Variants in EIF4E2 observed in about 807,000 individuals in gnomAD.
The protein encoded by EIF4E2 is eukaryotic translation initiation factor 4E family member 2.
In EIF4E2, 13 loss-of-function variants were observed where a neutral mutation model predicts 34.2. The ratio of observed to expected loss-of-function variants is 0.38; its 90% CI spans 0.25 to 0.60. The LOEUF (loss-of-function observed/expected upper bound fraction) is 0.60, where lower values mean the gene tolerates loss of function less well. Ranked by LOEUF, EIF4E2 falls within the 20% of genes least tolerant of loss-of-function variation. The pLI, the probability that EIF4E2 is intolerant of heterozygous loss-of-function variation, is 0.62. For missense variants in EIF4E2, 222 were observed against 315.1 expected, an observed-to-expected ratio of 0.70 and a Z score of 2.24; for synonymous variants, 100 against 106.6, an observed-to-expected ratio of 0.94 and a Z score of 0.38.
At chr2:232,572,356 T>TTTTTG (rs960590492), downstream of EIF4E2, among the ~76,000 whole-genome samples, 5 of 152,040 alleles carry the variant, frequency 3.3e-5, no homozygotes, top group African/African-American at 7.2e-5. Context: ...GAAATTTCTT[T>TTTTTG]TTTTGTTTTG....
downstream of EIF4E2, among the ~76,000 whole-genome samples, chr2:232,570,648 TAA>T (rs1390739727): frequency 6.6e-6 from 1 of 152,176 alleles, no homozygotes; most frequent in Non-Finnish European, 1.5e-5. Flanking sequence ...TACTGAGACT[TAA>T]GAATTCCAAG....
At chr2:232,574,486 C>T (rs1308152569) in intron 6 of EIF4E2, 1 of 811,976 alleles carries the variant, frequency 1.2e-6, no homozygotes, top group Non-Finnish European at 1.9e-6. Context: ...TTCTCATCCT[C>T]CCTGGGTCCC....
intron 4 of EIF4E2, among the ~76,000 whole-genome samples, chr2:232,565,083 G>T (rs762723890): frequency 1.3e-5 from 2 of 152,214 alleles, no homozygotes; most frequent in Admixed American, 6.5e-5. Flanking sequence ...CCCTGGTGTA[G>T]TGCATCTTCT....
intron 6 of EIF4E2, among the ~76,000 whole-genome samples, chr2:232,577,981 C>T (rs961707643): frequency 8.5e-5 from 13 of 152,242 alleles, no homozygotes; most frequent in African/African-American, 2.2e-4. Context: ...AATCTCTCTG[C>T]GCTGAGCCTA....
At chr2:232,567,875 G>A (rs1692989670) in intron 6 of EIF4E2, 4 of 985,474 alleles carry the variant, frequency 4.1e-6, no homozygotes, top group Non-Finnish European at 4.8e-6. Flanking sequence ...TCAGGCTATT[G>A]TGAAAAAGTG....
chr2:232,573,035 G>T (rs1321776514), downstream of EIF4E2, among the ~76,000 whole-genome samples: 1 of 152,202 alleles, frequency 6.6e-6, no homozygotes. Context: ...ATTGCCTTCT[G>T]ATGTCACTCA....
At chr2:232,570,869 G>A (rs1693074833), downstream of EIF4E2, among the ~76,000 whole-genome samples, 2 of 152,166 alleles carry the variant, frequency 1.3e-5, no homozygotes, top group African/African-American at 4.8e-5. Flanking sequence ...CCCAGGAGGT[G>A]GAGGTTGCAG....
chr2:232,578,320 A>G (rs1003447872), intron 6 of EIF4E2, among the ~76,000 whole-genome samples: 17 of 152,152 alleles, frequency 1.1e-4, no homozygotes, highest in Non-Finnish European at 1.3e-4. Context: ...AAAGTGGTCT[A>G]TATTAACAAA....
intron 2 of EIF4E2, among the ~76,000 whole-genome samples, chr2:232,557,324 G>GC (rs368610863): frequency 0.3 from 46,215 of 151,840 alleles, 7,502 homozygotes; most frequent in Admixed American, 0.41. Context: ...AGGGTTACTA[G>GC]CATTTTATGC....
At chr2:232,564,157 C>CTTA (rs1692830136) in intron 3 of EIF4E2, 90 bp from the exon 4 acceptor site, 1 of 818,214 alleles carries the variant, frequency 1.2e-6, no homozygotes, top group Non-Finnish European at 2.0e-6. Flanking sequence ...GTCTTCCATG[C>CTTA]TTATGTTCTT....
intron 6 of EIF4E2, chr2:232,574,391 A>G: frequency 2.0e-6 from 3 of 1,528,694 alleles, no homozygotes; most frequent in Non-Finnish European, 2.7e-6. Context: ...CCTCTCATCC[A>G]TAGGACCCCT....
rs1692918528 is a variant in EIF4E2 at position 232,566,095 on chromosome 2, A to G, written c.376-734A>G. ...TGACAGCGGGAGACTCCATCGCAAA[A>G]AAGAAAAAAAAAAAAACTAGATTGG... On this transcript the variant is annotated intron_variant, in intron 4 of 6. Coordinates refer to ENST00000258416, the MANE Select transcript of EIF4E2 (RefSeq NM_004846.4). The surrounding 1 kb of genome is among the most constrained non-coding windows in gnomAD (Gnocchi z 4.9). Among the ~76,000 whole-genome samples, 1 of 152,030 alleles carries G rather than the reference A, an allele frequency of 6.6e-6. No homozygotes were observed. The highest frequency in any genetic ancestry group is 1.5e-5 in the Non-Finnish European group (1 of 68,004).
chr2:232,551,153 A>T (rs746505137), intron 1 of EIF4E2: 1 of 530,206 alleles, frequency 1.9e-6, no homozygotes, highest in Non-Finnish European at 3.8e-6. Context: ...TCTGAGCCTC[A>T]GTTTTCTCAT....
chr2:232,575,519 T>A (rs1693190456), intron 6 of EIF4E2, among the ~76,000 whole-genome samples: 1 of 152,194 alleles, frequency 6.6e-6, no homozygotes, highest in Non-Finnish European at 1.5e-5. Flanking sequence ...CCCAGCTACT[T>A]GGAGGCTGTG....
chr2:232,552,839 G>C lies in EIF4E2; in HGVS notation c.20+2095G>C, dbSNP rs77132390. On this transcript the variant is annotated intron_variant, in intron 1 of 6. Transcript: ENST00000258416. The stretch of plus-strand genomic sequence containing the variant: ...ACAAGCTTTCTTTCATTTGAAATTA[G>C]CAGTTGAAAACAGCACTCCTGCCCC... 2.5e-3 allele frequency among the ~76,000 whole-genome samples: 374 copies of C among 152,030 alleles called. 3 individuals are homozygous for C. The highest frequency in any genetic ancestry group is 8.7e-3 in the African/African-American group (361 of 41,488).
At chr2:232,560,021 A>G (rs1692667506) in intron 3 of EIF4E2, among the ~76,000 whole-genome samples, 1 of 152,116 alleles carries the variant, frequency 6.6e-6, no homozygotes, top group South Asian at 2.1e-4. Context: ...AGTCAGTCAT[A>G]ATTCACTGGA....
chr2:232,573,410 GA>G (rs1693136678), downstream of EIF4E2, among the ~76,000 whole-genome samples: 1 of 152,178 alleles, frequency 6.6e-6, no homozygotes, highest in Non-Finnish European at 1.5e-5. Flanking sequence ...TTTTGGGGCT[GA>G]AAAGTGGCTA....
chr2:232,574,263 G>A, intron 6 of EIF4E2: 1 of 1,550,546 alleles, frequency 6.4e-7, no homozygotes, highest in Admixed American at 2.0e-5. Context: ...GGTTTGCCAG[G>A]GCCTGGGAGG....
downstream of EIF4E2, chr2:232,574,038 C>T: frequency 1.4e-6 from 1 of 699,694 alleles, no homozygotes; most frequent in Non-Finnish European, 2.7e-6. Flanking sequence ...GCAGACTTCT[C>T]AAGTGAAGCA....
Sources: gnomAD v4.1 joint callset for allele counts (sites outside exome capture counted in the v4.1 genomes callset) on GRCh38, gnomAD v4.1.1 for gene constraint, Gnocchi (gnomAD v3.1) non-coding constraint, MANE v1.5 for transcripts, NCBI Gene and HGNC (gene_info 2026-07-23, HGNC 2026-07-21) for gene names.